The following ALPL variants were observed in gnomAD, a reference collection of about 807,000 sequenced individuals.
The protein encoded by ALPL is alkaline phosphatase, tissue-nonspecific isozyme.
Under a neutral mutation model 51.3 loss-of-function variants are expected in ALPL, and 42 were observed. The observed-to-expected ratio is 0.82, with a 90% CI of 0.64 to 1.06. The LOEUF (loss-of-function observed/expected upper bound fraction) is 1.06. Ranked by LOEUF, ALPL falls within the 50% of genes least tolerant of loss-of-function variation. The pLI, the probability that ALPL is intolerant of heterozygous loss-of-function variation, is 0.00. For missense variants in ALPL, 589 were observed against 709.4 expected, an observed-to-expected ratio of 0.83 and a Z score of 1.93; for synonymous variants, 279 against 296.4, an observed-to-expected ratio of 0.94 and a Z score of 0.60.
chr1:21,543,996 G>T (rs1644223098), intron 1 of ALPL, among the ~76,000 whole-genome samples: 1 of 152,220 alleles, frequency 6.6e-6, no homozygotes, highest in African/African-American at 2.4e-5. Flanking sequence ...TGGCACAGGG[G>T]TGTCCCTGGG....
Position 21,560,597 on chromosome 1 carries a change from G to A in ALPL, c.62-29G>A, listed in dbSNP as rs200054024. On this transcript the variant is annotated intron_variant, in intron 2 of 11. Coordinates refer to ENST00000374840, the MANE Select transcript of ALPL (RefSeq NM_000478.6). ...GGAGATAGGAGGCTATCCTTACCCC[G>A]CCAAGTAACTGCCTCTCTCTGTGTT... The A allele has an allele frequency of 2.3e-4, 369 of 1,613,052 alleles. 1 individual carries two copies. Among genetic ancestry groups the A allele is most frequent in the Non-Finnish European group, 2.8e-4 (325 of 1,179,416 alleles).
chr1:21,510,809 C>T (rs192561243), intron 1 of ALPL, among the ~76,000 whole-genome samples: 2 of 152,224 alleles, frequency 1.3e-5, no homozygotes, highest in Admixed American at 6.5e-5. Context: ...GGTGTCCCCA[C>T]GCTGTCCTGC....
intron 5 of ALPL, among the ~76,000 whole-genome samples, chr1:21,563,708 G>A (rs1301035459): frequency 6.6e-6 from 1 of 152,286 alleles, no homozygotes; most frequent in East Asian, 1.9e-4. Flanking sequence ...CAGGTGACAA[G>A]GCCAACATAC....
At chr1:21,543,356 A>T (rs973579848) in intron 1 of ALPL, among the ~76,000 whole-genome samples, 1 of 151,922 alleles carries the variant, frequency 6.6e-6, no homozygotes, top group Non-Finnish European at 1.5e-5. Flanking sequence ...CAAAAACCTC[A>T]CGATATAGAC....
intron 2 of ALPL, among the ~76,000 whole-genome samples, 197 bp downstream of exon 2, chr1:21,554,339 T>TATATAC (rs1553410745): frequency 6.7e-4 from 100 of 149,630 alleles, no homozygotes; most frequent in Non-Finnish European, 1.1e-3. Flanking sequence ...TATATATATA[T>TATATAC]ACACACATAC....
chr1:21,561,125 C>G lies in ALPL; in HGVS notation c.210C>G (p.Ala70=). Residue 70 remains alanine (A), a synonymous_variant, in exon 4 of 12, where the codon GCC becomes GCG. Coordinates refer to ENST00000374840, the MANE Select transcript of ALPL (RefSeq NM_000478.6). ...TGGGTGTCTCCACAGTGACGGCTGCCCGCATCCTCAAGGGTCAGCTCCACC... is the reference window on the plus strand; with the variant it reads ...TGGGTGTCTCCACAGTGACGGCTGCGCGCATCCTCAAGGGTCAGCTCCACC... The part of the protein sequence containing the change: ...DGMGVSTVTA[A]RILKGQLHHN... 1 of 1,612,946 alleles carries G rather than the reference C, an allele frequency of 6.2e-7. No individual in the cohort carries two copies. The highest frequency in any genetic ancestry group is 8.5e-7 in the Non-Finnish European group (1 of 1,179,636).
At chr1:21,537,822 T>C (rs1447042357) in intron 1 of ALPL, among the ~76,000 whole-genome samples, 1 of 152,216 alleles carries the variant, frequency 6.6e-6, no homozygotes, top group Non-Finnish European at 1.5e-5. Flanking sequence ...TTTTTCCTCC[T>C]GAGCCGGAGC....
chr1:21,521,141 G>T (rs115169630), intron 1 of ALPL, among the ~76,000 whole-genome samples: 2 of 152,112 alleles, frequency 1.3e-5, no homozygotes, highest in Non-Finnish European at 2.9e-5. Context: ...TGAGTCACTC[G>T]TGAATTCCCA....
intron 1 of ALPL, among the ~76,000 whole-genome samples, chr1:21,553,143 C>T (rs1481474688): frequency 2.8e-5 from 1 of 35,834 alleles, no homozygotes; most frequent in African/African-American, 7.7e-5. Context: ...TGGTGTATTT[C>T]CTTCCAGTTT....
chr1:21,554,931 T>G (rs979661968), intron 2 of ALPL, among the ~76,000 whole-genome samples: 2 of 109,808 alleles, frequency 1.8e-5, no homozygotes, highest in Non-Finnish European at 4.2e-5. Flanking sequence ...TCTTTCTTTC[T>G]TTTCTTTTTC....
chr1:21,521,140 C>T (rs572996332), intron 1 of ALPL, among the ~76,000 whole-genome samples: 11 of 152,188 alleles, frequency 7.2e-5, no homozygotes, highest in East Asian at 5.8e-4. Flanking sequence ...CTGAGTCACT[C>T]GTGAATTCCC....
chr1:21,559,664 T>C (rs1020591505), intron 2 of ALPL, among the ~76,000 whole-genome samples: 1 of 152,138 alleles, frequency 6.6e-6, no homozygotes, highest in Non-Finnish European at 1.5e-5. Context: ...GGACTACAGG[T>C]GCACACTGCC....
chr1:21,525,155 C>A (rs1224602164), intron 1 of ALPL, among the ~76,000 whole-genome samples: 1 of 152,240 alleles, frequency 6.6e-6, no homozygotes, highest in Admixed American at 6.5e-5. Flanking sequence ...CCACTTCCCC[C>A]TCTTGGAGGA....
intron 9 of ALPL, 101 bp from the exon 10 acceptor site, chr1:21,575,632 C>T (rs571730531): frequency 6.9e-7 from 1 of 1,443,554 alleles, no homozygotes; most frequent in Admixed American, 1.7e-5. Flanking sequence ...TCCTGTCCTT[C>T]CCTAGCTAAC....
chr1:21,568,266 A>G lies in ALPL; in HGVS notation c.792+19A>G, dbSNP rs748489531. On this transcript the variant is annotated intron_variant, in intron 7 of 11. Transcript: ENST00000374840. ...ATACAAGGTAGCCTGTGCTGGGGCC[A>G]TGTGGCTGCAGAGGTGGCCTGTGAT... The G allele has an allele frequency of 1.9e-6, 3 of 1,613,784 alleles. No individual in the cohort carries two copies. The highest frequency in any genetic ancestry group is 2.7e-5 in the African/African-American group (2 of 74,916).
chr1:21,551,939 A>G (rs1310248523), intron 1 of ALPL, among the ~76,000 whole-genome samples: 6 of 150,492 alleles, frequency 4.0e-5, no homozygotes, highest in African/African-American at 9.7e-5. Flanking sequence ...GTTAGCCAGG[A>G]TGGTCTCGAT....
At chr1:21,568,965 CTG>C (rs1258963874) in intron 7 of ALPL, among the ~76,000 whole-genome samples, 2 of 152,176 alleles carry the variant, frequency 1.3e-5, no homozygotes, top group Non-Finnish European at 2.9e-5. Flanking sequence ...CTGGAAATGA[CTG>C]TGGTCAGGGC....
intron 7 of ALPL, among the ~76,000 whole-genome samples, chr1:21,568,682 G>C (rs1644603958): frequency 6.6e-6 from 1 of 152,166 alleles, no homozygotes; most frequent in Non-Finnish European, 1.5e-5. Flanking sequence ...GGGCAAGTAG[G>C]AGGATGGAGG....
At chr1:21,558,992 G>A (rs1644449136) in intron 2 of ALPL, among the ~76,000 whole-genome samples, 1 of 152,202 alleles carries the variant, frequency 6.6e-6, no homozygotes. Flanking sequence ...GAAGCTGTGT[G>A]GGGGGTCCCT....
Sources: gnomAD v4.1 joint callset for allele counts (sites outside exome capture counted in the v4.1 genomes callset) on GRCh38, gnomAD v4.1.1 for gene constraint, MANE v1.5 for transcripts, NCBI Gene and HGNC (gene_info 2026-07-23, HGNC 2026-07-21) for gene names.